Variants in COBL observed in about 807,000 individuals in gnomAD.
COBL encodes the protein protein cordon-bleu.
A neutral mutation model predicts 98.8 loss-of-function variants in COBL; 51 were observed. That is an observed-to-expected ratio of 0.52 (90% CI 0.41 to 0.65). The LOEUF (loss-of-function observed/expected upper bound fraction) is 0.65. Among genes scored for constraint, COBL ranks in the 30% least tolerant of loss-of-function variants. COBL has a pLI of 0.00. For synonymous variants in COBL, 634 were observed against 651.7 expected (o/e 0.97, Z 0.41); for missense variants, 1,617 against 1,617.5 (o/e 1.00, Z 0.01).
At chr7:51,061,411 T>C (rs1263214661) in intron 7 of COBL, among the ~76,000 whole-genome samples, 2 of 152,124 alleles carry the variant, frequency 1.3e-5, no homozygotes, top group Admixed American at 6.5e-5. Flanking sequence ...CTCAAGGACT[T>C]TACCTTCTCT....
Position 51,062,074 on chromosome 7 carries a change from AGG to A in COBL, c.1097-18384_1097-18383del, listed in dbSNP as rs1791438061. Reference sequence around the variant, plus strand: ...ATTCCATTAGGGCTAAACAGTAGGGAGGGTTAAAATAGGCCTAATTTTAAGAA... The same window carrying A: ...ATTCCATTAGGGCTAAACAGTAGGGAGTTAAAATAGGCCTAATTTTAAGAA... On this transcript the variant is annotated intron_variant, in intron 7 of 12. Coordinates refer to ENST00000265136, the MANE Select transcript of COBL (RefSeq NM_015198.5). Among the ~76,000 whole-genome samples, 6 of 152,244 alleles carry A rather than the reference AGG, an allele frequency of 3.9e-5. 1 individual carries two copies. The East Asian group carries it at 1.2e-3, about 29-fold the overall frequency.
At chr7:51,203,307 A>G (rs1204125173) in intron 2 of COBL, among the ~76,000 whole-genome samples, 45 of 137,346 alleles carry the variant, frequency 3.3e-4, no homozygotes, top group African/African-American at 4.5e-4. Context: ...CTAAAAATAC[A>G]AAAAATTAGC....
intron 1 of COBL, among the ~76,000 whole-genome samples, chr7:51,271,011 A>T (rs1798707218): frequency 6.6e-6 from 1 of 152,142 alleles, no homozygotes; most frequent in Non-Finnish European, 1.5e-5. Context: ...CTCTGCATCA[A>T]CCTAAATCCT....
At chr7:51,099,918 C>T (rs1056189347) in intron 6 of COBL, among the ~76,000 whole-genome samples, 1 of 152,148 alleles carries the variant, frequency 6.6e-6, no homozygotes, top group African/African-American at 2.4e-5. Context: ...TAAGACTTTT[C>T]TAGGCCTAGA....
chr7:51,171,970 G>C (rs779331574), intron 5 of COBL, among the ~76,000 whole-genome samples: 23 of 152,178 alleles, frequency 1.5e-4, no homozygotes, highest in Non-Finnish European at 2.5e-4. Flanking sequence ...ATATTTATAA[G>C]ATGTCATGAA....
chr7:51,093,470 C>T (rs111641735), intron 6 of COBL, among the ~76,000 whole-genome samples: 12,611 of 152,130 alleles, frequency 0.083, 751 homozygotes, highest in South Asian at 0.12. Context: ...ATAGAACTAC[C>T]GTGGGATCCA....
intron 7 of COBL, among the ~76,000 whole-genome samples, chr7:51,062,485 A>T (rs536456097): frequency 4.6e-5 from 7 of 152,254 alleles, no homozygotes; most frequent in African/African-American, 1.7e-4. Flanking sequence ...ACTTGGAGAG[A>T]GGCTTCCAAT....
intron 5 of COBL, among the ~76,000 whole-genome samples, chr7:51,173,189 GT>G (rs1369961870): frequency 3.9e-5 from 6 of 151,932 alleles, no homozygotes; most frequent in Non-Finnish European, 1.5e-5. Context: ...TTTGTTTTTT[GT>G]TTTTTGTTTT....
chr7:51,146,172 C>T (rs568489398), intron 5 of COBL, among the ~76,000 whole-genome samples: 1 of 152,350 alleles, frequency 6.6e-6, no homozygotes, highest in Admixed American at 6.5e-5. Flanking sequence ...ATCCTTCTGT[C>T]TTCTTCAAAA....
At chr7:51,259,974 G>A (rs1331991425) in intron 1 of COBL, 5 of 751,392 alleles carry the variant, frequency 6.7e-6, no homozygotes, top group African/African-American at 1.7e-5. Context: ...GATGCATCTT[G>A]TCACGTTTCT....
At chr7:51,159,057 A>G (rs1012116417) in intron 5 of COBL, among the ~76,000 whole-genome samples, 1 of 152,158 alleles carries the variant, frequency 6.6e-6, no homozygotes, top group East Asian at 1.9e-4. Context: ...ACCTGGATCA[A>G]GACACACGAA....
chr7:51,273,202 G>A (rs1353691883), intron 1 of COBL, among the ~76,000 whole-genome samples: 1 of 151,896 alleles, frequency 6.6e-6, no homozygotes, highest in Non-Finnish European at 1.5e-5. Flanking sequence ...GGTGGCACAT[G>A]CCTGTAATCC....
intron 6 of COBL, among the ~76,000 whole-genome samples, chr7:51,113,142 A>G (rs1796985730): frequency 6.6e-6 from 1 of 152,202 alleles, no homozygotes; most frequent in Admixed American, 6.5e-5. Flanking sequence ...ACCCAGGATG[A>G]CAGCTCATTT....
chr7:51,220,563 C>T (rs1241119695), intron 1 of COBL, among the ~76,000 whole-genome samples: 2 of 152,190 alleles, frequency 1.3e-5, no homozygotes, highest in Non-Finnish European at 2.9e-5. Context: ...TTGTTTTCAC[C>T]TTATTTCAGA....
chr7:51,025,042 C>T (rs1172877571), intron 12 of COBL, 67 bp downstream of exon 12: 11 of 1,602,322 alleles, frequency 6.9e-6, no homozygotes, highest in Non-Finnish European at 9.4e-6. Flanking sequence ...GCAAGCGTGT[C>T]CCTGGATCTA....
intron 6 of COBL, among the ~76,000 whole-genome samples, chr7:51,103,513 A>G (rs1210387638): frequency 1.3e-5 from 2 of 152,130 alleles, no homozygotes; most frequent in Non-Finnish European, 2.9e-5. Flanking sequence ...GTTTCTCACC[A>G]TGTGGCATAC....
intron 1 of COBL, among the ~76,000 whole-genome samples, chr7:51,220,477 G>C (rs1793528285): frequency 6.6e-6 from 1 of 152,184 alleles, no homozygotes; most frequent in African/African-American, 2.4e-5. Context: ...GGCCACCGTG[G>C]ACAGATGCGG....
intron 6 of COBL, among the ~76,000 whole-genome samples, chr7:51,109,899 C>T (rs936906516): frequency 6.6e-6 from 1 of 152,104 alleles, no homozygotes; most frequent in Non-Finnish European, 1.5e-5. Flanking sequence ...AAGAAACAGG[C>T]CACCTGTGCA....
chr7:51,116,164 G>A (rs542982119), intron 6 of COBL, among the ~76,000 whole-genome samples: 2 of 152,020 alleles, frequency 1.3e-5, no homozygotes, highest in African/African-American at 4.8e-5. Context: ...TTTAACTGGA[G>A]TGTTTAGTCT....
Sources: gnomAD v4.1 joint callset for allele counts (sites outside exome capture counted in the v4.1 genomes callset) on GRCh38, gnomAD v4.1.1 for gene constraint, MANE v1.5 for transcripts, NCBI Gene and HGNC (gene_info 2026-07-23, HGNC 2026-07-21) for gene names.